The following PEX5L variants were observed in gnomAD, a reference collection of about 807,000 sequenced individuals.
PEX5L encodes peroxisomal biogenesis factor 5 like.
PEX5L carries 30 observed loss-of-function variants against 84.0 expected under a neutral mutation model. The observed-to-expected ratio is 0.36, with a 90% confidence interval of 0.27 to 0.48. The LOEUF is 0.48. Among genes scored for constraint, PEX5L ranks in the 20% least tolerant of loss-of-function variants. PEX5L has a pLI of 0.99. For missense variants in PEX5L, 533 were observed against 754.6 expected, an observed-to-expected ratio of 0.71 and a Z score of 3.44; for synonymous variants, 270 against 283.1, an observed-to-expected ratio of 0.95 and a Z score of 0.46.
chr3:179,825,647 T>G (rs60548982), intron 8 of PEX5L, among the ~76,000 whole-genome samples: 6,725 of 152,172 alleles, frequency 0.044, 326 homozygotes, highest in Middle Eastern at 0.17. Context: ...GAACAGTGTA[T>G]GGAGGAAAAC....
At position 179,836,800 on chromosome 3, in the gene PEX5L, T is replaced by C. The variant is rs80221742; in HGVS notation, c.823-16824A>G. 9.5e-3 allele frequency among the ~76,000 whole-genome samples: 1,441 copies of C among 152,276 alleles called. 10 individuals carry two copies. Among genetic ancestry groups the C allele is most frequent in the Middle Eastern group, 0.024 (7 of 294 alleles). ...GACTAAAGTCTGAAGTCTACCTTGG[T>C]TTGGGCTTCTTAGCCTTGAGAGATT... On this transcript the variant is annotated intron_variant, in intron 8 of 14. Coordinates refer to ENST00000467460, the MANE Select transcript of PEX5L (RefSeq NM_016559.3).
At chr3:179,896,219 A>AATT (rs1759217709) in intron 3 of PEX5L, 1 of 152,188 alleles carries the variant, frequency 6.6e-6, no homozygotes, top group South Asian at 2.1e-4. Flanking sequence ...ACTGAGAAAT[A>AATT]ATTGTATTAC....
intron 2 of PEX5L, among the ~76,000 whole-genome samples, chr3:179,960,064 C>T (rs1179685281): frequency 2.6e-5 from 4 of 151,888 alleles, no homozygotes; most frequent in African/African-American, 7.3e-5. Flanking sequence ...TCTCATTTCT[C>T]CCTTATATTT....
At chr3:179,902,562 C>A in intron 2 of PEX5L, 1 of 345,898 alleles carries the variant, frequency 2.9e-6, no homozygotes, top group South Asian at 2.4e-5. Context: ...ATACAAACTT[C>A]TTTTTTATTC....
At chr3:180,006,081 A>T (rs956207542) in intron 1 of PEX5L, among the ~76,000 whole-genome samples, 1 of 152,190 alleles carries the variant, frequency 6.6e-6, no homozygotes, top group Admixed American at 6.5e-5. Context: ...AAAAGTACCC[A>T]GTTTTCCACT....
chr3:179,795,055 TAA>T lies in PEX5L; in HGVS notation c.*6771_*6772del, dbSNP rs1274030523. On this transcript the variant is annotated 3_prime_UTR_variant, in exon 15 of 15. Coordinates refer to ENST00000467460, the MANE Select transcript of PEX5L (RefSeq NM_016559.3). Reference sequence around the variant, plus strand: ...AAAATTAACAAAGGAGGAAGATTTTTAAAGTTTTGTTTTATATCCAAAAATGC... The same window carrying T: ...AAAATTAACAAAGGAGGAAGATTTTTAGTTTTGTTTTATATCCAAAAATGC... 1 of 152,224 alleles carries T rather than the reference TAA, an allele frequency of 6.6e-6. No homozygotes were observed. Among genetic ancestry groups the T allele is most frequent in the African/African-American group, 2.4e-5 (1 of 41,466 alleles). The allele number at this position is 152,224 out of a possible 1,614,324, so 9.4% of individuals were successfully genotyped here. A position where few individuals can be genotyped will look rare whatever the true frequency, so the allele number is the denominator to read the frequency against.
At chr3:179,901,754 A>G (rs1761420213) in intron 2 of PEX5L, among the ~76,000 whole-genome samples, 1 of 152,254 alleles carries the variant, frequency 6.6e-6, no homozygotes, top group African/African-American at 2.4e-5. Context: ...CTTAGGAAAT[A>G]TACAGAATGA....
intron 1 of PEX5L, chr3:179,974,280 G>T: frequency 1.4e-6 from 1 of 730,746 alleles, no homozygotes; most frequent in Non-Finnish European, 1.7e-6. Flanking sequence ...GGGCTTCTGT[G>T]GGAGGAGAAG....
chr3:179,928,969 A>G (rs1175615954), intron 2 of PEX5L, among the ~76,000 whole-genome samples: 2 of 152,156 alleles, frequency 1.3e-5, no homozygotes, highest in Non-Finnish European at 2.9e-5. Flanking sequence ...CATTAGTGTG[A>G]GTTACTGAGA....
intron 8 of PEX5L, among the ~76,000 whole-genome samples, chr3:179,832,508 T>TCACCTACC (rs1334716026): frequency 2.3e-5 from 2 of 88,616 alleles, no homozygotes; most frequent in African/African-American, 8.9e-5. Flanking sequence ...ACCCACCCCC[T>TCACCTACC]CACCTACCCA....
At chr3:179,918,971 G>T (rs1298307842) in intron 2 of PEX5L, among the ~76,000 whole-genome samples, 1 of 152,172 alleles carries the variant, frequency 6.6e-6, no homozygotes, top group Non-Finnish European at 1.5e-5. Flanking sequence ...CCAATGTACT[G>T]TATATCTCAG....
At chr3:179,971,723 T>G in intron 1 of PEX5L, 58 bp from the exon 2 acceptor site, 1 of 1,445,626 alleles carries the variant, frequency 6.9e-7, no homozygotes. Context: ...CAATCTTAAT[T>G]CTACTTAATA....
At chr3:179,938,940 T>C (rs1356796392) in intron 2 of PEX5L, among the ~76,000 whole-genome samples, 2 of 152,340 alleles carry the variant, frequency 1.3e-5, no homozygotes, top group African/African-American at 4.8e-5. Context: ...GGTTAAGTTC[T>C]GAGGCAGCAA....
intron 8 of PEX5L, among the ~76,000 whole-genome samples, chr3:179,853,530 C>T (rs1002702292): frequency 5.9e-5 from 9 of 152,150 alleles, no homozygotes; most frequent in African/African-American, 2.2e-4. Flanking sequence ...GGAGCTCCTT[C>T]GCAGTTTGTC....
chr3:179,840,852 G>C (rs1199178582), intron 8 of PEX5L, among the ~76,000 whole-genome samples: 1 of 152,070 alleles, frequency 6.6e-6, no homozygotes, highest in Non-Finnish European at 1.5e-5. Flanking sequence ...TCAAGAGCTC[G>C]CTTTTAGATA....
At chr3:179,958,040 A>G (rs1239814490) in intron 2 of PEX5L, among the ~76,000 whole-genome samples, 1 of 152,140 alleles carries the variant, frequency 6.6e-6, no homozygotes, top group African/African-American at 2.4e-5. Flanking sequence ...ACACATACAC[A>G]CACACATGCA....
intron 7 of PEX5L, among the ~76,000 whole-genome samples, chr3:179,859,770 A>G (rs773889196): frequency 5.3e-5 from 8 of 152,354 alleles, no homozygotes; most frequent in Admixed American, 1.3e-4. Context: ...CATGTCTGAT[A>G]AGGCCAACTG....
At chr3:179,933,025 C>G (rs9852280) in intron 2 of PEX5L, among the ~76,000 whole-genome samples, 2,326 of 152,296 alleles carry the variant, frequency 0.015, 69 homozygotes, top group African/African-American at 0.054. Flanking sequence ...AGCCCACACC[C>G]ACAGCCTCTG....
intron 8 of PEX5L, among the ~76,000 whole-genome samples, chr3:179,849,253 T>C (rs1382096517): frequency 6.6e-6 from 1 of 152,220 alleles, no homozygotes. Flanking sequence ...TACAGTTCTA[T>C]TACTTATATA....
Sources: allele counts gnomAD v4.1 joint callset (sites outside exome capture counted in the v4.1 genomes callset), GRCh38; gene constraint gnomAD v4.1.1; transcripts MANE v1.5; gene names NCBI Gene and HGNC (gene_info 2026-07-23, HGNC 2026-07-21).